Variants in ADAMTS18 observed in about 807,000 individuals in gnomAD.
ADAMTS18 encodes A disintegrin and metalloproteinase with thrombospondin motifs 18.
A neutral mutation model predicts 165.9 loss-of-function variants in ADAMTS18; 157 were observed. The ratio of observed to expected loss-of-function variants is 0.95; its 90% confidence interval spans 0.83 to 1.08. ADAMTS18 has a LOEUF of 1.08. ADAMTS18 is among the 50% of genes least tolerant of loss of function. The probability of loss-of-function intolerance (pLI) is 0.00; values close to 1 mark genes in which losing one functional copy is unlikely to be tolerated. For missense variants in ADAMTS18, 2,040 were observed against 1,534.0 expected (o/e 1.33, Z -5.51); for synonymous variants, 782 against 578.2 (o/e 1.35, Z -5.06).
chr16:77,378,353 AAAAAAAAAAAAC>A (rs2056983338), intron 3 of ADAMTS18, among the ~76,000 whole-genome samples: 1 of 56,538 alleles, frequency 1.8e-5, no homozygotes, highest in African/African-American at 5.1e-5. Context: ...AAAAAAACAA[AAAAAAAAAAAAC>A]CAAGCCCTTT....
chr16:77,337,908 C>CTTTCTTTT lies in ADAMTS18; in HGVS notation c.1711-2005_1711-2004insAAAAGAAA, dbSNP rs1555514787. Among the ~76,000 whole-genome samples the CTTTCTTTT allele has an allele frequency of 2.4e-3, 342 of 140,828 alleles. 2 individuals carry two copies. Among genetic ancestry groups the CTTTCTTTT allele is most frequent in the African/African-American group, 8.5e-3 (327 of 38,322 alleles). 92.4% of individuals were successfully genotyped at this position (140,828 alleles called of 152,430 possible). A position where few individuals can be genotyped will look rare whatever the true frequency, so the allele number is the denominator to read the frequency against. On this transcript the variant is annotated intron_variant, in intron 11 of 22. Transcript: ENST00000282849. Reference sequence around the variant, plus strand: ...TTTTATCCATCTTTTCTTTTCTTTTCTTTTTTTTTTTTTTGACAAAGTTTC... The same window carrying CTTTCTTTT: ...TTTTATCCATCTTTTCTTTTCTTTTCTTTCTTTTTTTTTTTTTTTTTTGACAAAGTTTC...
Position 77,287,232 on chromosome 16 carries a change from C to T in ADAMTS18, c.3550+2032G>A, listed in dbSNP as rs926964734. Among the ~76,000 whole-genome samples, 4 of 152,188 alleles carry T rather than the reference C, an allele frequency of 2.6e-5. No individual in the cohort carries two copies. In the South Asian group the frequency reaches 6.2e-4, roughly 24 times the overall value. ...GAGAAGAGGCAAAGAACGGAATCTT[C>T]TTCCGTCACCATGCGCCTCCTTACT... On this transcript the variant is annotated intron_variant, in intron 22 of 22. Transcript: ENST00000282849.
intron 3 of ADAMTS18, among the ~76,000 whole-genome samples, chr16:77,403,140 G>A (rs2057352373): frequency 6.6e-6 from 1 of 152,100 alleles, no homozygotes; most frequent in Non-Finnish European, 1.5e-5. Flanking sequence ...TTGTAGTTAA[G>A]GCAACTGATG....
At chr16:77,346,080 T>G (rs1203119787) in intron 10 of ADAMTS18, among the ~76,000 whole-genome samples, 1 of 152,190 alleles carries the variant, frequency 6.6e-6, no homozygotes, top group Non-Finnish European at 1.5e-5. Flanking sequence ...GTTCCACTTC[T>G]TCAACTATCT....
intron 16 of ADAMTS18, among the ~76,000 whole-genome samples, chr16:77,310,554 C>T (rs573846750): frequency 5.3e-5 from 8 of 152,298 alleles, no homozygotes; most frequent in South Asian, 2.1e-4. Context: ...ATGGAATCCA[C>T]GTACCAATGC....
At chr16:77,351,998 T>C (rs1280815477) in intron 10 of ADAMTS18, among the ~76,000 whole-genome samples, 2 of 152,154 alleles carry the variant, frequency 1.3e-5, no homozygotes. Flanking sequence ...CCTCCCCAAA[T>C]CTTGACATTA....
intron 3 of ADAMTS18, among the ~76,000 whole-genome samples, chr16:77,384,640 C>A (rs1030224782): frequency 2.6e-5 from 4 of 152,078 alleles, no homozygotes; most frequent in African/African-American, 7.2e-5. Context: ...TGGCTAACAC[C>A]CAACTTATGG....
intron 3 of ADAMTS18, among the ~76,000 whole-genome samples, chr16:77,414,890 C>T (rs1376779295): frequency 6.6e-6 from 1 of 152,128 alleles, no homozygotes. Flanking sequence ...TGAAGTCATC[C>T]TCTAAGCCAA....
At chr16:77,396,151 A>G (rs2057254022) in intron 3 of ADAMTS18, among the ~76,000 whole-genome samples, 1 of 152,184 alleles carries the variant, frequency 6.6e-6, no homozygotes, top group Non-Finnish European at 1.5e-5. Flanking sequence ...CTGTTACTAA[A>G]TCATAATCTA....
At chr16:77,302,632 C>A (rs1381855472) in intron 16 of ADAMTS18, among the ~76,000 whole-genome samples, 1 of 152,118 alleles carries the variant, frequency 6.6e-6, no homozygotes, top group African/African-American at 2.4e-5. Context: ...TATTTTCTGC[C>A]ATAGGGGAAC....
chr16:77,342,370 T>C (rs1175209871), intron 10 of ADAMTS18, among the ~76,000 whole-genome samples: 2 of 152,192 alleles, frequency 1.3e-5, no homozygotes, highest in African/African-American at 4.8e-5. Context: ...ACCTTTTTCA[T>C]CTTTTTAAAA....
rs1035788586 is a variant in ADAMTS18 at position 77,290,939 on chromosome 16, G to C, written c.3402+327C>G. 1.1e-4 allele frequency: 44 copies of C among 404,400 alleles called. No individual in the cohort carries two copies. In the East Asian group the frequency reaches 2.3e-3, roughly 21 times the overall value. The allele number at this position is 404,400 out of a possible 1,614,324, so 25.1% of individuals were successfully genotyped here. On this transcript the variant is annotated intron_variant, in intron 21 of 22. Transcript: ENST00000282849. ...GTGAGCAGCATTTCTAAAACAGAAA[G>C]ACTCGAGTGGTAGTTTCCGTAGCAA...
chr16:77,380,736 T>A (rs549225545), intron 3 of ADAMTS18, among the ~76,000 whole-genome samples: 2 of 152,218 alleles, frequency 1.3e-5, no homozygotes, highest in South Asian at 4.1e-4. Flanking sequence ...TTCCTTCTTA[T>A]TCTCCCTGCC....
At position 77,359,433 on chromosome 16, in the gene ADAMTS18, G is replaced by C. The variant is rs185135346; in HGVS notation, c.1217-10C>G. ...CTGATGGGGGCAAACCCTATTGAAA[G>C]AGCAGTTTCAAATGTGAATCCAAAG... On this transcript the variant is annotated splice_polypyrimidine_tract_variant and intron_variant, in intron 7 of 22. Transcript: ENST00000282849. 7.5e-3 allele frequency: 12,088 copies of C among 1,608,854 alleles called. 83 individuals are homozygous for C. Among genetic ancestry groups the C allele is most frequent in the South Asian group, 0.021 (1,926 of 90,232 alleles).
chr16:77,302,449 A>C (rs11640579), intron 16 of ADAMTS18, among the ~76,000 whole-genome samples: 1 of 152,078 alleles, frequency 6.6e-6, no homozygotes, highest in Non-Finnish European at 1.5e-5. Context: ...TAAGAGTTAC[A>C]GTGCGCTAAG....
chr16:77,380,899 G>A (rs1238911042), intron 3 of ADAMTS18, among the ~76,000 whole-genome samples: 1 of 151,696 alleles, frequency 6.6e-6, no homozygotes, highest in Non-Finnish European at 1.5e-5. Flanking sequence ...ATTGAGACAG[G>A]GTCTTGCTCT....
At chr16:77,309,264 A>G (rs1385888400) in intron 16 of ADAMTS18, among the ~76,000 whole-genome samples, 1 of 152,072 alleles carries the variant, frequency 6.6e-6, no homozygotes, top group Non-Finnish European at 1.5e-5. Context: ...TGGTCAAGAA[A>G]ATTATCTCCT....
chr16:77,372,016 GA>G (rs1004796905), intron 3 of ADAMTS18, among the ~76,000 whole-genome samples: 41 of 152,156 alleles, frequency 2.7e-4, no homozygotes, highest in African/African-American at 9.6e-4. Context: ...AGGGGTATAT[GA>G]AAAAAATGCT....
At chr16:77,316,065 C>T (rs954038113) in intron 16 of ADAMTS18, among the ~76,000 whole-genome samples, 8 of 152,158 alleles carry the variant, frequency 5.3e-5, no homozygotes, top group African/African-American at 1.9e-4. Flanking sequence ...ATTTCTTATA[C>T]ATGTCTAGTA....
Sources: allele counts gnomAD v4.1 joint callset (sites outside exome capture counted in the v4.1 genomes callset), GRCh38; gene constraint gnomAD v4.1.1; transcripts MANE v1.5; gene names NCBI Gene and HGNC (gene_info 2026-07-23, HGNC 2026-07-21).